Variants in SETD7 observed in about 807,000 individuals in gnomAD.
SETD7 encodes SET domain containing 7, histone lysine methyltransferase.
Under a neutral mutation model 41.8 loss-of-function variants are expected in SETD7, and 16 were observed. The ratio of observed to expected loss-of-function variants is 0.38; its 90% CI spans 0.26 to 0.58. The LOEUF (loss-of-function observed/expected upper bound fraction) is 0.58, where lower values mean the gene tolerates loss of function less well. SETD7 is among the 20% of genes least tolerant of loss of function. SETD7 has a pLI of 0.64. For missense variants in SETD7, 346 were observed against 459.7 expected (o/e 0.75, Z 2.26); for synonymous variants, 163 against 169.7 (o/e 0.96, Z 0.31).
chr4:139,549,023 C>A (rs796633474), intron 1 of SETD7, among the ~76,000 whole-genome samples: 8 of 151,988 alleles, frequency 5.3e-5, no homozygotes, highest in African/African-American at 1.9e-4. Context: ...TTTTTCTTTT[C>A]ATTAAAAAAA....
chr4:139,524,455 G>A (rs891704331), intron 4 of SETD7, among the ~76,000 whole-genome samples: 9 of 152,230 alleles, frequency 5.9e-5, no homozygotes, highest in African/African-American at 1.4e-4. Context: ...GGAGGCCGGA[G>A]GGACAGAGGG....
downstream of SETD7, among the ~76,000 whole-genome samples, chr4:139,493,381 G>C (rs763069225): frequency 3.3e-5 from 5 of 152,216 alleles, no homozygotes; most frequent in Admixed American, 1.3e-4. Flanking sequence ...TTGAGGAACA[G>C]AAGGTCTGGC....
rs1168768771 is a variant in SETD7, at chr4:139,555,667, G to C, written c.40+431C>G. Among the ~76,000 whole-genome samples, 1 of 152,096 alleles carries C rather than the reference G, an allele frequency of 6.6e-6. No homozygotes were observed. The highest frequency in any genetic ancestry group is 1.9e-4 in the East Asian group (1 of 5,168). On this transcript the variant is annotated intron_variant, in intron 1 of 7. Transcript: ENST00000274031. This position sits in a 1 kb window ranked among gnomAD's most constrained non-coding sequence, Gnocchi z 4.0. ...GAGGCAGCAGAAGGGAAGGGCTGGC[G>C]GCCGGGAGGGGATCGGGGTGGCCAA...
intron 4 of SETD7, among the ~76,000 whole-genome samples, chr4:139,524,770 G>A (rs1232265247): frequency 6.6e-6 from 1 of 152,090 alleles, no homozygotes; most frequent in Non-Finnish European, 1.5e-5. Flanking sequence ...AGAGCAAAGT[G>A]GTAACAGACC....
intron 1 of SETD7, among the ~76,000 whole-genome samples, chr4:139,549,219 T>C (rs373733885): frequency 6.6e-6 from 1 of 152,344 alleles, no homozygotes; most frequent in South Asian, 2.1e-4. Context: ...ACAGTTCACA[T>C]ATTTCAGAGT....
Position 139,529,132 on chromosome 4 carries a change from G to A in SETD7, c.461C>T (p.Ala154Val). The stretch of plus-strand genomic sequence containing the variant: ...TCCATCAATAAATTTCCCATAAAGT[G>A]CGGTCCTCTCATCAGGGTACACATA... ...IAYVYPDERT[A>V]LYGKFIDGEM... The change falls in exon 4 of 8, where the codon GCA (alanine) becomes GTA (valine). Residue 154 changes from alanine to valine, a missense_variant. By Grantham distance (64) the Ala-to-Val change is moderately conservative. Transcript: ENST00000274031. The A allele has an allele frequency of 6.2e-7, 1 of 1,613,990 alleles. No individual in the cohort carries two copies. The highest frequency in any genetic ancestry group is 8.5e-7 in the Non-Finnish European group (1 of 1,179,946).
Position 139,529,892 on chromosome 4 carries a change from T to A in SETD7, c.373-672A>T, listed in dbSNP as rs567158364. 6.0e-4 allele frequency among the ~76,000 whole-genome samples: 91 copies of A among 152,340 alleles called. 1 individual carries two copies. Among genetic ancestry groups the A allele is most frequent in the Admixed American group, 1.3e-3 (20 of 15,292 alleles). On this transcript the variant is annotated intron_variant, in intron 3 of 7. Transcript: ENST00000274031. ...AAAGATCAACTAAATTTCACTCCCATCTCAATTCTTTCTTTCCACTCTATT... is the reference window on the plus strand; with the variant it reads ...AAAGATCAACTAAATTTCACTCCCAACTCAATTCTTTCTTTCCACTCTATT...
chr4:139,547,137 TC>T, intron 1 of SETD7, 88 bp from the exon 2 acceptor site: 1 of 1,520,830 alleles, frequency 6.6e-7, no homozygotes, highest in Non-Finnish European at 8.9e-7. Flanking sequence ...GCCAGACAAG[TC>T]CCCCACCCAA....
chr4:139,547,571 G>A (rs1286508771), intron 1 of SETD7, among the ~76,000 whole-genome samples: 1 of 152,134 alleles, frequency 6.6e-6, no homozygotes, highest in Non-Finnish European at 1.5e-5. Flanking sequence ...TCTATAATAT[G>A]ATGTGGAGGA....
Position 139,517,843 on chromosome 4 carries a change from C to T in SETD7, c.920+42G>A, listed in dbSNP as rs1385656362. 3 of 1,582,854 alleles carry T rather than the reference C, an allele frequency of 1.9e-6. No homozygotes were observed. In the Admixed American group the frequency reaches 5.3e-5, roughly 28 times the overall value. On this transcript the variant is annotated intron_variant, in intron 7 of 7. Coordinates refer to ENST00000274031, the MANE Select transcript of SETD7 (RefSeq NM_030648.4). ...TACTGCCCTCCTCCGTCTCAGGGCC[C>T]TGAGGCATAGATCCGCCCCAGCAGC...
chr4:139,517,982 T>C lies in SETD7; in HGVS notation c.823A>G (p.Ile275Val), dbSNP rs753037157. The C allele has an allele frequency of 6.2e-6, 10 of 1,614,144 alleles. No homozygotes were observed. The South Asian group carries it at 9.9e-5, about 16-fold the overall frequency. Reference sequence around the variant, plus strand: ...TGGTTATAGGGCTCAGGCACATCAATGACCGTTTCTTCATCAAGGGAGAGG... The same window carrying C: ...TGGTTATAGGGCTCAGGCACATCAACGACCGTTTCTTCATCAAGGGAGAGG... ...NTLSLDEETV[I>V]DVPEPYNHVS... The change falls in exon 7 of 8, where the codon ATT becomes GTT. Residue 275 changes from isoleucine to valine, a missense_variant. Transcript: ENST00000274031.
chr4:139,541,199 C>T (rs900712224), intron 2 of SETD7, among the ~76,000 whole-genome samples: 1 of 152,122 alleles, frequency 6.6e-6, no homozygotes, highest in Non-Finnish European at 1.5e-5. Flanking sequence ...GGCTAAAAAC[C>T]ACATGACCCT....
At chr4:139,533,943 T>C (rs1160832678) in intron 2 of SETD7, among the ~76,000 whole-genome samples, 1 of 152,034 alleles carries the variant, frequency 6.6e-6, no homozygotes, top group Non-Finnish European at 1.5e-5. Flanking sequence ...ATATGGGGAT[T>C]TATTTAAGTA....
At chr4:139,542,654 G>C (rs576234068) in intron 2 of SETD7, among the ~76,000 whole-genome samples, 70 of 151,876 alleles carry the variant, frequency 4.6e-4, no homozygotes, top group Non-Finnish European at 8.1e-4. Flanking sequence ...AAAAAAAAGC[G>C]GGGGGGAGCA....
At chr4:139,493,686 T>G (rs184362592), downstream of SETD7, among the ~76,000 whole-genome samples, 62 of 152,110 alleles carry the variant, frequency 4.1e-4, 1 homozygote, top group Admixed American at 3.9e-3. Flanking sequence ...ACTACAGGCA[T>G]GCACCACCAG....
chr4:139,544,797 A>AGT (rs10581648), intron 2 of SETD7, among the ~76,000 whole-genome samples: 5,857 of 144,882 alleles, frequency 0.04, 167 homozygotes, highest in African/African-American at 0.081. Flanking sequence ...CCAGATTTAA[A>AGT]GTGTGTGTGT....
chr4:139,550,889 T>C (rs560944452), intron 1 of SETD7, among the ~76,000 whole-genome samples: 2 of 152,334 alleles, frequency 1.3e-5, no homozygotes, highest in South Asian at 2.1e-4. Flanking sequence ...CAATGCTTTA[T>C]GAGACTTGCC....
At position 139,530,129 on chromosome 4, in the gene SETD7, C is replaced by T. The variant is rs2111148082; in HGVS notation, c.373-909G>A. Reference sequence around the variant, plus strand: ...ACCAAAAAGTAATGAATAATTTAAGCTAGGGTGCCAGAGATGTTTCTTTCT... The same window carrying T: ...ACCAAAAAGTAATGAATAATTTAAGTTAGGGTGCCAGAGATGTTTCTTTCT... On this transcript the variant is annotated intron_variant, in intron 3 of 7. Transcript: ENST00000274031. 3.3e-5 allele frequency among the ~76,000 whole-genome samples: 5 copies of T among 152,228 alleles called. No homozygotes were observed. The South Asian group carries it at 1.0e-3, about 32-fold the overall frequency.
chr4:139,495,371 T>C (rs763606204), downstream of SETD7, among the ~76,000 whole-genome samples: 11 of 152,058 alleles, frequency 7.2e-5, no homozygotes, highest in Non-Finnish European at 1.6e-4. Context: ...GCTTAGTGAG[T>C]AGGAAATCAG....
Sources: allele counts gnomAD v4.1 joint callset (sites outside exome capture counted in the v4.1 genomes callset), GRCh38; gene constraint gnomAD v4.1.1; non-coding constraint Gnocchi (gnomAD v3.1); transcripts MANE v1.5; gene names NCBI Gene and HGNC (gene_info 2026-07-23, HGNC 2026-07-21).